The following RELN variants were observed in gnomAD, a reference collection of about 807,000 sequenced individuals.
The protein encoded by RELN is reelin.
Under a neutral mutation model 427.6 loss-of-function variants are expected in RELN, and 108 were observed. The ratio of observed to expected loss-of-function variants is 0.25; its 90% CI spans 0.22 to 0.30. The LOEUF is 0.30. RELN is among the 10% of genes least tolerant of loss of function. The probability of loss-of-function intolerance (pLI) is 1.00; values close to 1 mark genes in which losing one functional copy is unlikely to be tolerated. For synonymous variants in RELN, 1,524 were observed against 1,513.4 expected (o/e 1.01, Z -0.16); for missense variants, 3,715 against 4,302.8 (o/e 0.86, Z 3.82).
intron 3 of RELN, among the ~76,000 whole-genome samples, chr7:103,785,264 C>G (rs1050193450): frequency 1.3e-5 from 2 of 152,004 alleles, no homozygotes; most frequent in Non-Finnish European, 2.9e-5. Flanking sequence ...TTTTAAACAC[C>G]TTTTAATTAA....
chr7:103,627,215 C>T (rs372065846), intron 20 of RELN, among the ~76,000 whole-genome samples: 1 of 151,988 alleles, frequency 6.6e-6, no homozygotes, highest in Non-Finnish European at 1.5e-5. Context: ...CATTGAAGGG[C>T]AGAGACTGCA....
chr7:103,570,440 C>T (rs1432039043), intron 31 of RELN, among the ~76,000 whole-genome samples: 2 of 152,226 alleles, frequency 1.3e-5, no homozygotes, highest in Non-Finnish European at 2.9e-5. Flanking sequence ...TCTAAATCAG[C>T]ACCTCCCACT....
intron 8 of RELN, among the ~76,000 whole-genome samples, chr7:103,714,436 T>C (rs1226637947): frequency 6.6e-6 from 1 of 152,184 alleles, no homozygotes; most frequent in East Asian, 1.9e-4. Context: ...TTTTACCAAT[T>C]CTCTGATCAC....
At chr7:103,844,120 A>G (rs1450675225) in intron 2 of RELN, among the ~76,000 whole-genome samples, 1 of 152,214 alleles carries the variant, frequency 6.6e-6, no homozygotes, top group Non-Finnish European at 1.5e-5. Flanking sequence ...ACACATATGC[A>G]GGCCACAGAA....
At chr7:103,679,749 CTTA>C (rs1390360247) in intron 11 of RELN, among the ~76,000 whole-genome samples, 1 of 151,646 alleles carries the variant, frequency 6.6e-6, no homozygotes, top group Non-Finnish European at 1.5e-5. Context: ...CAAAAATTCT[CTTA>C]TATTATTTGT....
intron 5 of RELN, among the ~76,000 whole-genome samples, chr7:103,749,981 G>GTTT (rs58017725): frequency 6.6e-6 from 1 of 151,170 alleles, no homozygotes; most frequent in Non-Finnish European, 1.5e-5. Flanking sequence ...AGATTTGATG[G>GTTT]TTTTTTTTTA....
chr7:103,764,892 G>A (rs1791391682), intron 4 of RELN, among the ~76,000 whole-genome samples: 1 of 151,702 alleles, frequency 6.6e-6, no homozygotes, highest in South Asian at 2.1e-4. Context: ...TGTGTGATGT[G>A]GGAAGAACAA....
intron 4 of RELN, among the ~76,000 whole-genome samples, chr7:103,773,105 T>TTTCTTTCTTTCA (rs1054872564): frequency 4.8e-5 from 1 of 20,804 alleles, no homozygotes; most frequent in Non-Finnish European, 1.2e-4. Context: ...TCCTCTTTTC[T>TTTCTTTCTTTCA]TTCTTTCTTT....
intron 3 of RELN, among the ~76,000 whole-genome samples, chr7:103,818,362 T>A (rs1310390440): frequency 6.6e-6 from 1 of 152,216 alleles, no homozygotes; most frequent in East Asian, 1.9e-4. Context: ...TGAGAAACAA[T>A]GTTTTCTTAA....
chr7:103,516,771 T>A (rs1270459292), intron 49 of RELN, among the ~76,000 whole-genome samples: 2 of 152,164 alleles, frequency 1.3e-5, no homozygotes, highest in African/African-American at 4.8e-5. Context: ...TTAAAGAGAT[T>A]TCATTATATT....
chr7:103,653,596 A>G (rs1832967098), intron 13 of RELN, among the ~76,000 whole-genome samples: 2 of 152,100 alleles, frequency 1.3e-5, no homozygotes, highest in African/African-American at 2.4e-5. Context: ...AATTTTGAAG[A>G]TGCTTGCAAA....
chr7:103,847,088 TA>T (rs1793696966), intron 2 of RELN, among the ~76,000 whole-genome samples: 1 of 152,204 alleles, frequency 6.6e-6, no homozygotes, highest in African/African-American at 2.4e-5. Context: ...CAAAGGGTTA[TA>T]AATCATTCCA....
intron 37 of RELN, among the ~76,000 whole-genome samples, chr7:103,557,599 CT>C (rs1309203746): frequency 1.3e-5 from 2 of 151,972 alleles, no homozygotes; most frequent in Non-Finnish European, 2.9e-5. Flanking sequence ...TAAGAATAGG[CT>C]TTTTTTGGAT....
intron 60 of RELN, among the ~76,000 whole-genome samples, chr7:103,488,703 A>G (rs1240771812): frequency 2.0e-5 from 3 of 152,212 alleles, no homozygotes; most frequent in Non-Finnish European, 2.9e-5. Flanking sequence ...AGTGACAGCA[A>G]GGCTGATTGG....
chr7:103,707,722 C>G (rs772080119), intron 8 of RELN, among the ~76,000 whole-genome samples: 2 of 152,110 alleles, frequency 1.3e-5, no homozygotes, highest in Non-Finnish European at 2.9e-5. Flanking sequence ...TGGTCTCGAT[C>G]TCTTGACCTT....
In RELN at chr7:103,840,715, A is replaced by C. The variant is rs141997578; in HGVS notation, c.338-7043T>G. Reference sequence around the variant, plus strand: ...TTTTTAATGCCTTTTGTACCATGAAAGAGATATACCACCTAATTAATATAT... The same window carrying C: ...TTTTTAATGCCTTTTGTACCATGAACGAGATATACCACCTAATTAATATAT... On this transcript the variant is annotated intron_variant, in intron 2 of 64. Transcript: ENST00000428762. Among the ~76,000 whole-genome samples the C allele has an allele frequency of 4.3e-3, 657 of 152,334 alleles. 3 individuals carry two copies. Among genetic ancestry groups the C allele is most frequent in the African/African-American group, 0.015 (632 of 41,576 alleles).
intron 48 of RELN, among the ~76,000 whole-genome samples, chr7:103,520,970 T>A (rs1296837381): frequency 3.8e-4 from 48 of 126,182 alleles, no homozygotes; most frequent in East Asian, 1.3e-3. Flanking sequence ...TTTTTTTTTT[T>A]TTTTTTTTTT....
chr7:103,791,004 A>C (rs1792149345), intron 3 of RELN, among the ~76,000 whole-genome samples: 2 of 152,120 alleles, frequency 1.3e-5, no homozygotes, highest in African/African-American at 4.8e-5. Context: ...GACAGAAAGA[A>C]AACAATTCCA....
In RELN at chr7:103,482,984, C is replaced by G; in HGVS notation, c.10182-13G>C. The G allele has an allele frequency of 6.2e-7, 1 of 1,611,032 alleles. No individual in the cohort carries two copies. The highest frequency in any genetic ancestry group is 8.5e-7 in the Non-Finnish European group (1 of 1,177,264). On this transcript the variant is annotated splice_polypyrimidine_tract_variant and intron_variant, in intron 62 of 64. Transcript: ENST00000428762. Reference sequence around the variant, plus strand: ...CATCCGTGCCTCCCTGGGTCACACACAGAAGGACAAAGAAGTTATACATTA... The same window carrying G: ...CATCCGTGCCTCCCTGGGTCACACAGAGAAGGACAAAGAAGTTATACATTA...
Sources: allele counts gnomAD v4.1 joint callset (sites outside exome capture counted in the v4.1 genomes callset), GRCh38; gene constraint gnomAD v4.1.1; transcripts MANE v1.5; gene names NCBI Gene and HGNC (gene_info 2026-07-23, HGNC 2026-07-21).